The following RNF32 variants were observed in gnomAD, a reference collection of about 807,000 sequenced individuals.
The protein encoded by RNF32 is ring finger protein 32.
A neutral mutation model predicts 41.0 loss-of-function variants in RNF32; 36 were observed. That is an observed-to-expected ratio of 0.88 (90% CI 0.67 to 1.16). The LOEUF (loss-of-function observed/expected upper bound fraction) is 1.16. RNF32 is among the 50% of genes most tolerant of loss of function. The pLI, the probability that RNF32 is intolerant of heterozygous loss-of-function variation, is 0.00. For missense variants in RNF32, 413 were observed against 436.7 expected, an observed-to-expected ratio of 0.95 and a Z score of 0.48; for synonymous variants, 154 against 160.9, an observed-to-expected ratio of 0.96 and a Z score of 0.32.
intron 7 of RNF32, among the ~76,000 whole-genome samples, chr7:156,664,980 T>A (rs1801154108): frequency 6.6e-6 from 1 of 152,206 alleles, no homozygotes; most frequent in African/African-American, 2.4e-5. Flanking sequence ...ATAAGTAAAA[T>A]GAGGCTTGTT....
rs1344792457 is a variant in RNF32, at chr7:156,654,681, G to A, written c.380G>A (p.Cys127Tyr). Residue 127 changes from cysteine to tyrosine, a missense_variant, in exon 4 of 9, where the codon TGC (cysteine) becomes TAC (tyrosine). Cys to Tyr is a radical substitution (Grantham distance 194). Coordinates refer to ENST00000317955, the MANE Select transcript of RNF32 (RefSeq NM_030936.4). ...CTGCAAGGGGACTCCGTGCAACCAT[G>A]CCCCATCTGTAAAGAAGAATTCGAG... ...SLLQGDSVQP[C>Y]PICKEEFELR... The A allele has an allele frequency of 3.1e-6, 5 of 1,614,134 alleles. No homozygotes were observed. In the East Asian group the frequency reaches 1.1e-4, roughly 36 times the overall value.
rs1262244489 is a variant in RNF32, at chr7:156,670,807, T to C, written c.685-4889T>C. On this transcript the variant is annotated intron_variant, in intron 7 of 8. Coordinates refer to ENST00000317955, the MANE Select transcript of RNF32 (RefSeq NM_030936.4). The surrounding 1 kb of genome is among the most constrained non-coding windows in gnomAD (Gnocchi z 4.3). ...AAAAGCCAGACAAAAAGTGTGCCAC[T>C]AGAACGTCTTCGTTAAAGGAAATTC... Among the ~76,000 whole-genome samples the C allele has an allele frequency of 6.6e-6, 1 of 152,208 alleles. No individual in the cohort carries two copies. Among genetic ancestry groups the C allele is most frequent in the African/African-American group, 2.4e-5 (1 of 41,462 alleles).
chr7:156,663,022 G>A (rs1800866241), intron 7 of RNF32, among the ~76,000 whole-genome samples: 1 of 151,934 alleles, frequency 6.6e-6, no homozygotes, highest in Admixed American at 6.6e-5. Context: ...TAATTGTAGA[G>A]ATGAGGTTTC....
At chr7:156,653,945 G>A (rs887317187) in intron 3 of RNF32, among the ~76,000 whole-genome samples, 5 of 152,160 alleles carry the variant, frequency 3.3e-5, no homozygotes, top group Non-Finnish European at 4.4e-5. Context: ...GGGCCAATAC[G>A]TGTGAACAAT....
rs762654447 is a variant in RNF32, at chr7:156,670,988, A to G, written c.685-4708A>G. ...GAGAGAGAGAGCTTATGACAAAAAT[A>G]ACATAAAGCAGGAGAGGAAAATTAA... On this transcript the variant is annotated intron_variant, in intron 7 of 8. Coordinates refer to ENST00000317955, the MANE Select transcript of RNF32 (RefSeq NM_030936.4). The surrounding 1 kb of genome is among the most constrained non-coding windows in gnomAD (Gnocchi z 4.3). 6.6e-6 allele frequency among the ~76,000 whole-genome samples: 1 copy of G among 152,212 alleles called. No homozygotes were observed. The highest frequency in any genetic ancestry group is 6.5e-5 in the Admixed American group (1 of 15,284).
intron 7 of RNF32, among the ~76,000 whole-genome samples, chr7:156,664,222 G>A (rs966439141): frequency 4.6e-5 from 7 of 152,274 alleles, no homozygotes; most frequent in African/African-American, 1.2e-4. Flanking sequence ...AGCACTTTGG[G>A]AGGCTGAGGC....
rs185033975 is a variant in RNF32, at chr7:156,662,920, A to T, written c.684+4350A>T. Among the ~76,000 whole-genome samples the T allele has an allele frequency of 9.5e-5, 14 of 146,746 alleles. No homozygotes were observed. In the East Asian group the frequency reaches 2.0e-3, roughly 21 times the overall value. On this transcript the variant is annotated intron_variant, in intron 7 of 8. Coordinates refer to ENST00000317955, the MANE Select transcript of RNF32 (RefSeq NM_030936.4). ...TGGAGTGCAGTGGCGCGATCTCGGC[A>T]CACTGCAACCTCCGCCTCCCAGGTT...
chr7:156,663,352 A>G (rs1402972729), intron 7 of RNF32, among the ~76,000 whole-genome samples: 1 of 152,256 alleles, frequency 6.6e-6, no homozygotes, highest in African/African-American at 2.4e-5. Context: ...TATGTTATGC[A>G]TATTATATAA....
At chr7:156,648,502 T>G (rs1197258284) in intron 3 of RNF32, among the ~76,000 whole-genome samples, 5 of 152,206 alleles carry the variant, frequency 3.3e-5, no homozygotes, top group Non-Finnish European at 7.3e-5. Context: ...AAGAGTTTTA[T>G]CAGGAAAAAT....
At chr7:156,659,363 A>T (rs1800246517) in intron 7 of RNF32, 2 of 986,520 alleles carry the variant, frequency 2.0e-6, no homozygotes, top group African/African-American at 3.5e-5. Context: ...TCCTGAGAGC[A>T]GTGTCTCTGA....
chr7:156,672,206 A>G (rs1416506652), intron 7 of RNF32, among the ~76,000 whole-genome samples: 3 of 152,214 alleles, frequency 2.0e-5, no homozygotes, highest in Non-Finnish European at 4.4e-5. Flanking sequence ...TATATATGCA[A>G]AACTGACAAG....
At chr7:156,649,314 C>T (rs2131383415) in intron 3 of RNF32, among the ~76,000 whole-genome samples, 1 of 152,256 alleles carries the variant, frequency 6.6e-6, no homozygotes, top group South Asian at 2.1e-4. Flanking sequence ...CTTTTTGTCT[C>T]TGATTCCTAG....
intron 3 of RNF32, among the ~76,000 whole-genome samples, chr7:156,653,000 T>C (rs762571933): frequency 1.1e-4 from 17 of 152,198 alleles, no homozygotes; most frequent in Non-Finnish European, 1.8e-4. Context: ...AAAGAAAATA[T>C]ATTTTTATAA....
At chr7:156,640,449 C>T, upstream of RNF32, 2 of 371,952 alleles carry the variant, frequency 5.4e-6, no homozygotes, top group South Asian at 1.9e-5. Flanking sequence ...CGCCTGCACG[C>T]CCCCGTGCTT....
At chr7:156,653,870 A>G (rs1279755743) in intron 3 of RNF32, among the ~76,000 whole-genome samples, 1 of 152,210 alleles carries the variant, frequency 6.6e-6, no homozygotes, top group Admixed American at 6.5e-5. Flanking sequence ...TGGCAGAGCA[A>G]GGTGAGCTGG....
intron 7 of RNF32, among the ~76,000 whole-genome samples, chr7:156,666,670 A>G (rs1215315771): frequency 6.6e-6 from 1 of 152,196 alleles, no homozygotes; most frequent in African/African-American, 2.4e-5. Context: ...TCGAACACTT[A>G]TTCATTCAGG....
At chr7:156,660,897 T>G (rs993110118) in intron 7 of RNF32, among the ~76,000 whole-genome samples, 4 of 152,238 alleles carry the variant, frequency 2.6e-5, no homozygotes, top group Admixed American at 2.6e-4. Flanking sequence ...ATGGAAGTTA[T>G]ACATTGGTTT....
intron 7 of RNF32, 89 bp from the exon 8 acceptor site, chr7:156,675,607 A>G: frequency 9.2e-7 from 1 of 1,085,336 alleles, no homozygotes; most frequent in Non-Finnish European, 1.4e-6. Context: ...GAGGAAGGTT[A>G]CCAAAATAGA....
rs534084548 is a variant in RNF32 at position 156,653,260 on chromosome 7, T to C, written c.275-1316T>C. ...CATTGTGTTACAGTTACCTGCAGTA[T>C]TCAGTACAGTAACATGCTGTGCAGG... is the stretch of plus-strand genomic sequence containing the variant. On this transcript the variant is annotated intron_variant, in intron 3 of 8. Coordinates refer to ENST00000317955, the MANE Select transcript of RNF32 (RefSeq NM_030936.4). Among the ~76,000 whole-genome samples, 4 of 152,366 alleles carry C rather than the reference T, an allele frequency of 2.6e-5. No homozygotes were observed. In the South Asian group the frequency reaches 8.3e-4, roughly 32 times the overall value.
Sources: gnomAD v4.1 joint callset for allele counts (sites outside exome capture counted in the v4.1 genomes callset) on GRCh38, gnomAD v4.1.1 for gene constraint, Gnocchi (gnomAD v3.1) non-coding constraint, MANE v1.5 for transcripts, NCBI Gene and HGNC (gene_info 2026-07-23, HGNC 2026-07-21) for gene names.